The following SLC24A3 variants were observed in gnomAD, a reference collection of about 807,000 sequenced individuals.
SLC24A3 encodes solute carrier family 24 member 3.
SLC24A3 carries 28 observed loss-of-function variants against 75.8 expected under a neutral mutation model. The ratio of observed to expected loss-of-function variants is 0.37; its 90% CI spans 0.27 to 0.51. SLC24A3 has a LOEUF of 0.51. Among genes scored for constraint, SLC24A3 ranks in the 20% least tolerant of loss-of-function variants. The pLI, the probability that SLC24A3 is intolerant of heterozygous loss-of-function variation, is 0.94. For synonymous variants in SLC24A3, 372 were observed against 334.1 expected, an observed-to-expected ratio of 1.11 and a Z score of -1.24; for missense variants, 663 against 847.8, an observed-to-expected ratio of 0.78 and a Z score of 2.71.
intron 1 of SLC24A3, among the ~76,000 whole-genome samples, chr20:19,217,021 C>T (rs1981577481): frequency 6.6e-6 from 1 of 152,218 alleles, no homozygotes; most frequent in African/African-American, 2.4e-5. Flanking sequence ...CCAACCAGAA[C>T]ACCCACACGT....
At chr20:19,656,005 G>A (rs185362121) in intron 7 of SLC24A3, among the ~76,000 whole-genome samples, 3 of 152,036 alleles carry the variant, frequency 2.0e-5, no homozygotes, top group Non-Finnish European at 4.4e-5. Flanking sequence ...AATCTCTCTA[G>A]GTTTCAGTTT....
Position 19,648,244 on chromosome 20 carries a change from C to G in SLC24A3, c.613-5818C>G, listed in dbSNP as rs1203812322. Among the ~76,000 whole-genome samples the G allele has an allele frequency of 5.3e-5, 8 of 152,300 alleles. No individual in the cohort carries two copies. The East Asian group carries it at 9.6e-4, about 18-fold the overall frequency. On this transcript the variant is annotated intron_variant, in intron 6 of 16. Transcript: ENST00000328041. ...ATGGTTTCAGAGACACCCCAGAGCC[C>G]CATCCTCACTGCAGATCAGGTGGCT...
intron 3 of SLC24A3, among the ~76,000 whole-genome samples, chr20:19,546,655 G>T (rs749080229): frequency 3.3e-5 from 5 of 152,222 alleles, no homozygotes; most frequent in African/African-American, 2.4e-5. Flanking sequence ...CAATTTTTAA[G>T]GTCCTTTCCA....
At chr20:19,433,725 G>A (rs1475885379) in intron 2 of SLC24A3, among the ~76,000 whole-genome samples, 2 of 152,220 alleles carry the variant, frequency 1.3e-5, no homozygotes, top group African/African-American at 2.4e-5. Flanking sequence ...CGTAGCAATA[G>A]CAAGCAATTT....
chr20:19,278,289 A>G (rs79766520), intron 1 of SLC24A3, among the ~76,000 whole-genome samples: 3,418 of 152,242 alleles, frequency 0.022, 144 homozygotes, highest in African/African-American at 0.077. Context: ...ATCCAGAGAG[A>G]TCAGTTTCTA....
At chr20:19,541,732 T>C (rs372089436) in intron 3 of SLC24A3, among the ~76,000 whole-genome samples, 33 of 152,354 alleles carry the variant, frequency 2.2e-4, no homozygotes, top group African/African-American at 7.5e-4. Flanking sequence ...TTGCACTATT[T>C]TGAAAAAAGT....
chr20:19,549,972 C>A lies in SLC24A3; in HGVS notation c.349-30028C>A, dbSNP rs147082801. Among the ~76,000 whole-genome samples the A allele has an allele frequency of 1.9e-3, 284 of 152,162 alleles. 2 individuals carry two copies. Among genetic ancestry groups the A allele is most frequent in the African/African-American group, 6.4e-3 (264 of 41,486 alleles). On this transcript the variant is annotated intron_variant, in intron 3 of 16. Transcript: ENST00000328041. ...GAAAAACTACATAACCTTCCAAAAC[C>A]ATTACTTTGAATTGTGACATTTATT...
At chr20:19,411,941 A>C (rs920102101) in intron 2 of SLC24A3, among the ~76,000 whole-genome samples, 4 of 152,184 alleles carry the variant, frequency 2.6e-5, no homozygotes, top group Non-Finnish European at 4.4e-5. Flanking sequence ...TGTGAGCTAA[A>C]GAAAAGCTCC....
intron 2 of SLC24A3, among the ~76,000 whole-genome samples, chr20:19,514,317 A>G (rs2029940655): frequency 6.6e-6 from 1 of 152,204 alleles, no homozygotes. Flanking sequence ...TCATCTCCCA[A>G]GTAAACCACA....
intron 1 of SLC24A3, among the ~76,000 whole-genome samples, chr20:19,247,103 T>C (rs1299406823): frequency 6.6e-6 from 1 of 152,172 alleles, no homozygotes; most frequent in Admixed American, 6.5e-5. Context: ...TAAAAAAGAA[T>C]ATAAATTCGA....
At chr20:19,671,856 G>A (rs559999920) in intron 8 of SLC24A3, among the ~76,000 whole-genome samples, 1 of 152,034 alleles carries the variant, frequency 6.6e-6, no homozygotes, top group African/African-American at 2.4e-5. Flanking sequence ...CACCTAGGGA[G>A]AAAACATAGG....
chr20:19,276,244 C>A (rs941110791), intron 1 of SLC24A3, among the ~76,000 whole-genome samples: 1 of 152,136 alleles, frequency 6.6e-6, no homozygotes, highest in Non-Finnish European at 1.5e-5. Context: ...CCAGCCCAGT[C>A]TCTAGGAAAT....
intron 2 of SLC24A3, among the ~76,000 whole-genome samples, chr20:19,366,613 C>T (rs1985895716): frequency 6.6e-6 from 1 of 152,134 alleles, no homozygotes; most frequent in Non-Finnish European, 1.5e-5. Flanking sequence ...CCTCCTACAA[C>T]CATGCATCTC....
intron 1 of SLC24A3, among the ~76,000 whole-genome samples, chr20:19,223,471 G>A (rs1294848375): frequency 1.3e-5 from 2 of 152,112 alleles, no homozygotes; most frequent in African/African-American, 4.8e-5. Context: ...CAGTATCCAT[G>A]GAGGATATGT....
Position 19,698,700 on chromosome 20 carries a change from A to ACTTCTCCTGAAATCCAGGG in SLC24A3, c.1719+23_1719+41dup, listed in dbSNP as rs1488298693. The ACTTCTCCTGAAATCCAGGG allele has an allele frequency of 6.5e-7, 1 of 1,541,176 alleles. No homozygotes were observed. Among genetic ancestry groups the ACTTCTCCTGAAATCCAGGG allele is most frequent in the African/African-American group, 1.4e-5 (1 of 73,082 alleles). On this transcript the variant is annotated intron_variant, in intron 15 of 16. Coordinates refer to ENST00000328041, the MANE Select transcript of SLC24A3 (RefSeq NM_020689.4). Reference sequence around the variant, plus strand: ...TCCTACGTAAGTGGTTTTCTCCAGGACTTCTCCTGAAATCCAGGGCTACGT... The same window carrying ACTTCTCCTGAAATCCAGGG: ...TCCTACGTAAGTGGTTTTCTCCAGGACTTCTCCTGAAATCCAGGGCTTCTCCTGAAATCCAGGGCTACGT...
intron 2 of SLC24A3, among the ~76,000 whole-genome samples, chr20:19,337,475 AATTAATT>A (rs1483839653): frequency 2.7e-4 from 18 of 66,018 alleles, no homozygotes; most frequent in South Asian, 4.9e-4. Flanking sequence ...TAAATAAATT[AATTAATT>A]AATTAAATAA....
At chr20:19,325,795 TAGAGAGAGAGAGAGAGAGAG>T (rs745745496) in intron 2 of SLC24A3, among the ~76,000 whole-genome samples, 26 of 67,796 alleles carry the variant, frequency 3.8e-4, no homozygotes, top group African/African-American at 1.4e-3. Flanking sequence ...TATATATATA[TAGAGAGAGAGAGAGAGAGAG>T]AGAGAGAGAG....
At chr20:19,467,105 T>G (rs1002385202) in intron 2 of SLC24A3, among the ~76,000 whole-genome samples, 9 of 152,188 alleles carry the variant, frequency 5.9e-5, no homozygotes, top group African/African-American at 1.9e-4. Context: ...TATTTGCATT[T>G]TGAAAGATCA....
At position 19,550,288 on chromosome 20, in the gene SLC24A3, T is replaced by A. The variant is rs531868938; in HGVS notation, c.349-29712T>A. Among the ~76,000 whole-genome samples, 12 of 152,238 alleles carry A rather than the reference T, an allele frequency of 7.9e-5. 1 individual carries two copies. In the South Asian group the frequency reaches 2.5e-3, roughly 32 times the overall value. ...TTTTGGCTCTTTAAAAGGCAACAGA[T>A]TAAAAAAAATTAGAGGAAAAACATT... On this transcript the variant is annotated intron_variant, in intron 3 of 16. Transcript: ENST00000328041.
Sources: gnomAD v4.1 joint callset for allele counts (sites outside exome capture counted in the v4.1 genomes callset) on GRCh38, gnomAD v4.1.1 for gene constraint, MANE v1.5 for transcripts, NCBI Gene and HGNC (gene_info 2026-07-23, HGNC 2026-07-21) for gene names.